The following DEPDC5 variants were observed in gnomAD, a reference collection of about 807,000 sequenced individuals.
DEPDC5 encodes GATOR1 complex protein DEPDC5.
Under a neutral mutation model 217.3 loss-of-function variants are expected in DEPDC5, and 73 were observed. The ratio of observed to expected loss-of-function variants is 0.34; its 90% CI spans 0.28 to 0.41. DEPDC5 has a LOEUF of 0.41. DEPDC5 is among the 10% of genes least tolerant of loss of function. The probability of loss-of-function intolerance (pLI) is 1.00; values close to 1 mark genes in which losing one functional copy is unlikely to be tolerated. For synonymous variants in DEPDC5, 733 were observed against 756.7 expected (o/e 0.97, Z 0.51); for missense variants, 1,675 against 2,070.1 (o/e 0.81, Z 3.70).
chr22:31,760,598 G>C (rs2082307899), intron 3 of DEPDC5, 58 bp from the exon 4 acceptor site: 1 of 1,503,390 alleles, frequency 6.7e-7, no homozygotes, highest in East Asian at 2.3e-5. Flanking sequence ...CGGGGATGAA[G>C]GTTGCTAGGG....
chr22:31,811,080 T>G lies in DEPDC5; in HGVS notation c.1445+439T>G, dbSNP rs192503389. On this transcript the variant is annotated intron_variant, in intron 20 of 42. Transcript: ENST00000651528. ...GTGAGCCACTGTGCCTGGCTTGTTT[T>G]GTTTTTTGAGACGGAGTCTCACTCT... is the stretch of plus-strand genomic sequence containing the variant. Among the ~76,000 whole-genome samples the G allele has an allele frequency of 3.9e-5, 6 of 152,246 alleles. No homozygotes were observed. In the East Asian group the frequency reaches 1.2e-3, roughly 30 times the overall value.
chr22:31,813,392 T>C (rs1165487819), intron 20 of DEPDC5, among the ~76,000 whole-genome samples: 2 of 152,248 alleles, frequency 1.3e-5, no homozygotes, highest in African/African-American at 2.4e-5. Flanking sequence ...TAATTGGTGC[T>C]ACCTTCACAC....
chr22:31,791,884 G>T, intron 10 of DEPDC5, 149 bp from the exon 11 acceptor site: 1 of 354,670 alleles, frequency 2.8e-6, no homozygotes, highest in Non-Finnish European at 4.7e-6. Context: ...CCAAGATAGC[G>T]CCACTGCACT....
intron 33 of DEPDC5, among the ~76,000 whole-genome samples, chr22:31,869,375 T>C (rs2092776615): frequency 6.6e-6 from 1 of 151,974 alleles, no homozygotes; most frequent in Admixed American, 6.6e-5. Flanking sequence ...AACAGTTTGC[T>C]AAGGGAGCAG....
At chr22:31,890,628 G>A (rs2093420707) in intron 38 of DEPDC5, among the ~76,000 whole-genome samples, 1 of 151,882 alleles carries the variant, frequency 6.6e-6, no homozygotes, top group South Asian at 2.1e-4. Context: ...AGAATCTCCT[G>A]AACCTGGGAG....
At chr22:31,782,876 G>C (rs2084591608) in intron 8 of DEPDC5, among the ~76,000 whole-genome samples, 1 of 152,202 alleles carries the variant, frequency 6.6e-6, no homozygotes, top group African/African-American at 2.4e-5. Flanking sequence ...AGAGTTAAGA[G>C]CTCAGTAACT....
At chr22:31,884,840 G>T (rs771396547) in intron 38 of DEPDC5, among the ~76,000 whole-genome samples, 1 of 152,162 alleles carries the variant, frequency 6.6e-6, no homozygotes, top group African/African-American at 2.4e-5. Context: ...CAACACCTTC[G>T]TCTTGCCTTC....
intron 31 of DEPDC5, among the ~76,000 whole-genome samples, chr22:31,847,616 A>G (rs1233024076): frequency 2.0e-5 from 3 of 152,222 alleles, no homozygotes; most frequent in Non-Finnish European, 2.9e-5. Flanking sequence ...AGAACTCACT[A>G]TCATGAGAAC....
chr22:31,827,182 T>C (rs1239808899), intron 24 of DEPDC5, among the ~76,000 whole-genome samples: 3 of 152,154 alleles, frequency 2.0e-5, no homozygotes, highest in Admixed American at 2.0e-4. Flanking sequence ...AGTCCCTTTA[T>C]GTAACCTATA....
rs1290733834 is a variant in DEPDC5, at chr22:31,819,018, G to A, written c.1667-4G>A. ...TTGTGACTCAACTCCATGATAACTG[G>A]CAGATGTCCTGGAGAACATGATGGA... On this transcript the variant is annotated splice_polypyrimidine_tract_variant and splice_region_variant and intron_variant, in intron 21 of 42. Coordinates refer to ENST00000651528, the MANE Select transcript of DEPDC5 (RefSeq NM_001242896.3). 2 of 1,614,144 alleles carry A rather than the reference G, an allele frequency of 1.2e-6. No homozygotes were observed. The highest frequency in any genetic ancestry group is 1.3e-5 in the African/African-American group (1 of 75,058).
chr22:31,781,243 A>C (rs2084408809), intron 8 of DEPDC5, among the ~76,000 whole-genome samples: 6 of 151,924 alleles, frequency 3.9e-5, no homozygotes, highest in Admixed American at 3.9e-4. Flanking sequence ...ACAAAAAAAA[A>C]AAAACAAAGA....
chr22:31,902,408 T>TATATATATATATATATATATA (rs2093663741), intron 41 of DEPDC5, among the ~76,000 whole-genome samples: 12 of 111,926 alleles, frequency 1.1e-4, no homozygotes, highest in South Asian at 5.8e-4. Context: ...CATCTCCTTA[T>TATATATATATATATATATATA]TATATATATA....
chr22:31,759,940 C>A (rs1458034076), intron 3 of DEPDC5, among the ~76,000 whole-genome samples: 3 of 152,108 alleles, frequency 2.0e-5, no homozygotes, highest in African/African-American at 7.2e-5. Context: ...GCCTTGGCCT[C>A]CCAAAGTGTT....
intron 39 of DEPDC5, among the ~76,000 whole-genome samples, chr22:31,896,332 C>G (rs772589917): frequency 7.9e-5 from 12 of 152,244 alleles, no homozygotes; most frequent in South Asian, 4.1e-4. Flanking sequence ...GGAATTATTT[C>G]GGTCAAACAG....
chr22:31,837,324 A>T, intron 26 of DEPDC5, 169 bp downstream of exon 26: 2 of 659,806 alleles, frequency 3.0e-6, no homozygotes, highest in South Asian at 2.4e-5. Context: ...TTAAAAAAAC[A>T]TTGAATTGTA....
At chr22:31,871,017 C>A (rs1266895576) in intron 34 of DEPDC5, among the ~76,000 whole-genome samples, 2 of 152,238 alleles carry the variant, frequency 1.3e-5, no homozygotes, top group Non-Finnish European at 2.9e-5. Context: ...GAAGGGGGCT[C>A]TGTCCAGTCT....
At chr22:31,879,844 C>T in intron 38 of DEPDC5, 92 bp downstream of exon 38, 1 of 1,280,358 alleles carries the variant, frequency 7.8e-7, no homozygotes. Flanking sequence ...CCACATGAAC[C>T]AGGATTAGAG....
chr22:31,820,964 C>T (rs1190193026), intron 22 of DEPDC5, among the ~76,000 whole-genome samples: 1 of 152,178 alleles, frequency 6.6e-6, no homozygotes. Flanking sequence ...CCCAGATGCC[C>T]TCTTCCTTCA....
At chr22:31,819,459 C>T (rs1234099748) in intron 22 of DEPDC5, among the ~76,000 whole-genome samples, 1 of 150,494 alleles carries the variant, frequency 6.6e-6, no homozygotes, top group Non-Finnish European at 1.5e-5. Context: ...TTGTTTGTTT[C>T]TGCCCTTTTT....
Sources: allele counts gnomAD v4.1 joint callset (sites outside exome capture counted in the v4.1 genomes callset), GRCh38; gene constraint gnomAD v4.1.1; transcripts MANE v1.5; gene names NCBI Gene and HGNC (gene_info 2026-07-23, HGNC 2026-07-21).